The following FGF8 variants were observed in gnomAD, a reference collection of about 807,000 sequenced individuals.
FGF8 encodes the protein androgen-induced growth factor.
FGF8 carries 12 observed loss-of-function variants against 29.7 expected under a neutral mutation model. The ratio of observed to expected loss-of-function variants is 0.40; its 90% CI spans 0.26 to 0.65. The LOEUF (loss-of-function observed/expected upper bound fraction) is 0.65. Among genes scored for constraint, FGF8 ranks in the 30% least tolerant of loss-of-function variants. The probability of loss-of-function intolerance (pLI) is 0.37; values close to 1 mark genes in which losing one functional copy is unlikely to be tolerated. For missense variants in FGF8, 271 were observed against 345.1 expected (o/e 0.79, Z 1.70); for synonymous variants, 157 against 144.4 (o/e 1.09, Z -0.63).
Position 101,770,299 on chromosome 10 carries a change from T to C in FGF8, c.*30A>G. 6.4e-7 allele frequency: 1 copy of C among 1,563,698 alleles called. No homozygotes were observed. The highest frequency in any genetic ancestry group is 1.9e-5 in the Admixed American group (1 of 53,190). On this transcript the variant is annotated 3_prime_UTR_variant, in exon 6 of 6. Coordinates refer to ENST00000320185, the MANE Select transcript of FGF8 (RefSeq NM_033163.5). ...CCCTACAGGATGAGCCTCTCTGCGG[T>C]CTGGCATTGTGGGGAGGGCCAGGCA... is the stretch of plus-strand genomic sequence containing the variant.
Position 101,770,197 on chromosome 10 carries a change from A to G in FGF8, c.*132T>C, listed in dbSNP as rs1190555397. 3 of 816,976 alleles carry G rather than the reference A, an allele frequency of 3.7e-6. No homozygotes were observed. Among genetic ancestry groups the G allele is most frequent in the Non-Finnish European group, 5.5e-6 (3 of 547,228 alleles). 50.6% of individuals were successfully genotyped at this position (816,976 alleles called of 1,614,324 possible). On this transcript the variant is annotated 3_prime_UTR_variant, in exon 6 of 6. Coordinates refer to ENST00000320185, the MANE Select transcript of FGF8 (RefSeq NM_033163.5). Reference sequence around the variant, plus strand: ...AACCCAACAGCAAACAATATCAACAACCGGAACCCAGGGCTCCCCCAGCAC... The same window carrying G: ...AACCCAACAGCAAACAATATCAACAGCCGGAACCCAGGGCTCCCCCAGCAC...
At position 101,771,863 on chromosome 10, in the gene FGF8, C is replaced by A. The variant is rs1184311684; in HGVS notation, c.338-294G>T. Among the ~76,000 whole-genome samples the A allele has an allele frequency of 6.6e-6, 1 of 152,228 alleles. No individual in the cohort carries two copies. Among genetic ancestry groups the A allele is most frequent in the Admixed American group, 6.5e-5 (1 of 15,290 alleles). On this transcript the variant is annotated intron_variant, in intron 4 of 5. Transcript: ENST00000320185. The surrounding 1 kb of genome is among the most constrained non-coding windows in gnomAD (Gnocchi z 5.3). ...AAGGCTGAAGTGCCATTCCTTCCAC[C>A]CTCTTTTTAAACCAGACAGTGATGT...
upstream of FGF8, among the ~76,000 whole-genome samples, chr10:101,776,987 G>A (rs1238060401): frequency 6.6e-6 from 1 of 152,074 alleles, no homozygotes; most frequent in African/African-American, 2.4e-5. Context: ...ACCTCAGCAG[G>A]CAGCAGGGGC....
Position 101,775,087 on chromosome 10 carries a change from C to T in FGF8, c.156+43G>A, listed in dbSNP as rs2065071413. 1 of 1,526,938 alleles carries T rather than the reference C, an allele frequency of 6.5e-7. No individual in the cohort carries two copies. 94.6% of individuals were successfully genotyped at this position (1,526,938 alleles called of 1,614,324 possible). A position where few individuals can be genotyped will look rare whatever the true frequency, so the allele number is the denominator to read the frequency against. ...CCCCCACCCACGCAAGTCGGGCAGA[C>T]CCAGCCCAGGATGAACGAGCCCCAG... On this transcript the variant is annotated intron_variant, in intron 3 of 5. Transcript: ENST00000320185. This position sits in a 1 kb window ranked among gnomAD's most constrained non-coding sequence, Gnocchi z 4.6.
chr10:101,775,120 C>A lies in FGF8; in HGVS notation c.156+10G>T. 2 of 1,547,910 alleles carry A rather than the reference C, an allele frequency of 1.3e-6. No homozygotes were observed. The highest frequency in any genetic ancestry group is 1.7e-6 in the Non-Finnish European group (2 of 1,146,408). ...AGGATGAACGAGCCCCAGGGAGAAG[C>A]TGGACCCACCTGTTGGGAGACACCC... On this transcript the variant is annotated intron_variant, in intron 3 of 5. Transcript: ENST00000320185. This position sits in a 1 kb window ranked among gnomAD's most constrained non-coding sequence, Gnocchi z 4.6.
chr10:101,775,984 G>A lies in FGF8; in HGVS notation c.-84C>T. The A allele has an allele frequency of 4.3e-6, 4 of 933,966 alleles. 1 individual carries two copies. The highest frequency in any genetic ancestry group is 1.0e-4 in the South Asian group (2 of 19,400). The allele number at this position is 933,966 out of a possible 1,614,324, so 57.9% of individuals were successfully genotyped here. A position where few individuals can be genotyped will look rare whatever the true frequency, so the allele number is the denominator to read the frequency against. ...CGGGAGGACGCGCTGAGCAGGGCGC[G>A]AGCGGAGAGGGTGCGGGTGCGGGAG... On this transcript the variant is annotated 5_prime_UTR_variant, in exon 1 of 6. Transcript: ENST00000320185. The surrounding 1 kb of genome is among the most constrained non-coding windows in gnomAD (Gnocchi z 4.6).
chr10:101,779,615 G>C (rs973431318), upstream of FGF8, among the ~76,000 whole-genome samples: 6 of 151,406 alleles, frequency 4.0e-5, no homozygotes, highest in Non-Finnish European at 7.4e-5. The surrounding 1 kb of genome is among the most constrained non-coding windows in gnomAD (Gnocchi z 5.7). Flanking sequence ...CCCACCGGGA[G>C]ACCTACCCGG....
upstream of FGF8, among the ~76,000 whole-genome samples, chr10:101,779,223 C>A (rs2065123210): frequency 1.3e-5 from 2 of 152,222 alleles, no homozygotes; most frequent in Admixed American, 1.3e-4. This position sits in a 1 kb window ranked among gnomAD's most constrained non-coding sequence, Gnocchi z 5.7. Context: ...CTTCCTGCGC[C>A]GGGCGTTCAA....
upstream of FGF8, among the ~76,000 whole-genome samples, chr10:101,776,535 G>C (rs1370706509): frequency 6.6e-6 from 1 of 151,894 alleles, no homozygotes; most frequent in Non-Finnish European, 1.5e-5. Context: ...TGGAGCGCCC[G>C]AGTCTGGCGG....
chr10:101,779,373 G>A (rs1304470447), upstream of FGF8, among the ~76,000 whole-genome samples: 1 of 152,248 alleles, frequency 6.6e-6, no homozygotes, highest in African/African-American at 2.4e-5. This position sits in a 1 kb window ranked among gnomAD's most constrained non-coding sequence, Gnocchi z 5.7. Flanking sequence ...AAACCCCGGC[G>A]TATGCCTTCA....
intron 4 of FGF8, 143 bp downstream of exon 4, chr10:101,774,589 C>T (rs1424077038): frequency 1.4e-5 from 10 of 694,686 alleles, no homozygotes; most frequent in Non-Finnish European, 2.2e-5. Flanking sequence ...CTAGCCCTCT[C>T]TTCCCCAGCT....
chr10:101,776,870 A>G (rs1166165164), upstream of FGF8, among the ~76,000 whole-genome samples: 1 of 148,202 alleles, frequency 6.7e-6, no homozygotes, highest in East Asian at 2.0e-4. Flanking sequence ...ACACACACAC[A>G]CACACACACA....
intron 3 of FGF8, 55 bp from the exon 4 acceptor site, chr10:101,774,967 G>A (rs2065069537): frequency 1.3e-6 from 2 of 1,588,692 alleles, no homozygotes; most frequent in African/African-American, 1.3e-5. Flanking sequence ...TCCGCCCAGG[G>A]GCCCGAGTGG....
In FGF8 at chr10:101,771,434, C is replaced by A. The variant is rs201352161; in HGVS notation, c.444+29G>T. 3.8e-6 allele frequency: 6 copies of A among 1,566,578 alleles called. No homozygotes were observed. The highest frequency in any genetic ancestry group is 1.7e-5 in the Admixed American group (1 of 59,974). ...AGCCCAAGCCACTCCCTAGGTCCCG[C>A]GGACCCCACCTGCCTGCTGGGGCCT... On this transcript the variant is annotated intron_variant, in intron 5 of 5. Coordinates refer to ENST00000320185, the MANE Select transcript of FGF8 (RefSeq NM_033163.5). This position sits in a 1 kb window ranked among gnomAD's most constrained non-coding sequence, Gnocchi z 5.3.
upstream of FGF8, among the ~76,000 whole-genome samples, chr10:101,777,499 C>T (rs1277509141): frequency 6.6e-6 from 1 of 152,224 alleles, no homozygotes; most frequent in African/African-American, 2.4e-5. Context: ...TTTCCCTGTG[C>T]CCCATCTTTC....
chr10:101,770,491 G>A lies in FGF8; in HGVS notation c.573C>T (p.Gly191=). The change falls in exon 6 of 6, where the codon GGC becomes GGT. Residue 191 remains glycine (G), a synonymous_variant. Transcript: ENST00000320185. Reference sequence around the variant, plus strand: ...CACGCTGGTGCTGCCGCGTCTTGGAGCCCTTGCGGGGCCGGCCCTTGCGGG... The same window carrying A: ...CACGCTGGTGCTGCCGCGTCTTGGAACCCTTGCGGGGCCGGCCCTTGCGGG... ...AFTRKGRPRK[G]SKTRQHQREV... is the part of the protein sequence containing the mutation. The A allele has an allele frequency of 6.2e-7, 1 of 1,613,680 alleles. No homozygotes were observed. Among genetic ancestry groups the A allele is most frequent in the Non-Finnish European group, 8.5e-7 (1 of 1,179,904 alleles).
rs11322844 is a variant in FGF8 at position 101,770,141 on chromosome 10, TAAAAAAAAAAA to T, written c.*177_*187del. 108 of 392,962 alleles carry T rather than the reference TAAAAAAAAAAA, an allele frequency of 2.7e-4. No homozygotes were observed. The highest frequency in any genetic ancestry group is 4.1e-4 in the Non-Finnish European group (94 of 230,030). The allele number at this position is 392,962 out of a possible 1,614,324, so 24.3% of individuals were successfully genotyped here. ...CAAAAATAGAGCCTCTCTTTTGTTTTAAAAAAAAAAAAAAAAAAAAAAACAGCAAAAACCCA... is the reference window on the plus strand; with the variant it reads ...CAAAAATAGAGCCTCTCTTTTGTTTTAAAAAAAAAAAACAGCAAAAACCCA... On this transcript the variant is annotated 3_prime_UTR_variant, in exon 6 of 6. Coordinates refer to ENST00000320185, the MANE Select transcript of FGF8 (RefSeq NM_033163.5).
At position 101,774,783 on chromosome 10, in the gene FGF8, C is replaced by G. The variant is rs2065067308; in HGVS notation, c.286G>C (p.Val96Leu). The change falls in exon 4 of 6, where the codon GTC becomes CTC. Residue 96 changes from valine (V) to leucine (L), a missense_variant. Val to Leu is a conservative substitution (Grantham distance 32). This residue lies in a region of FGF8 where 168 missense variants were observed against 207.0 expected (regional missense o/e 0.81). Transcript: ENST00000320185. ...YSRTSGKHVQ[V>L]LANKRINAMA... Reference sequence around the variant, plus strand: ...GCGTTGATGCGCTTGTTGGCCAGGACCTGCACGTGCTTCCCGCTGGTGCGG... The same window carrying G: ...GCGTTGATGCGCTTGTTGGCCAGGAGCTGCACGTGCTTCCCGCTGGTGCGG... 1 of 1,611,350 alleles carries G rather than the reference C, an allele frequency of 6.2e-7. No individual in the cohort carries two copies. The highest frequency in any genetic ancestry group is 1.3e-5 in the African/African-American group (1 of 75,062).
chr10:101,772,297 C>G lies in FGF8; in HGVS notation c.338-728G>C, dbSNP rs1331178662. On this transcript the variant is annotated intron_variant, in intron 4 of 5. Transcript: ENST00000320185. This position sits in a 1 kb window ranked among gnomAD's most constrained non-coding sequence, Gnocchi z 4.4. ...CCCCAGCCCAGTGTCTAGAAATCAA[C>G]AACTCAATTGTCTTTTCTCTTTCAG... Among the ~76,000 whole-genome samples the G allele has an allele frequency of 6.6e-6, 1 of 152,256 alleles. No individual in the cohort carries two copies. The highest frequency in any genetic ancestry group is 2.4e-5 in the African/African-American group (1 of 41,464).
Sources: gnomAD v4.1 joint callset for allele counts (sites outside exome capture counted in the v4.1 genomes callset) on GRCh38, gnomAD v4.1.1 for gene constraint, gnomAD v4.1.1 regional missense constraint, Gnocchi (gnomAD v3.1) non-coding constraint, MANE v1.5 for transcripts, NCBI Gene and HGNC (gene_info 2026-07-23, HGNC 2026-07-21) for gene names.